The following TMEM132B variants were observed in gnomAD, a reference collection of about 807,000 sequenced individuals.
TMEM132B encodes transmembrane protein 132B.
Under a neutral mutation model 90.8 loss-of-function variants are expected in TMEM132B, and 18 were observed. The observed-to-expected ratio is 0.20, with a 90% CI of 0.14 to 0.29. The LOEUF (loss-of-function observed/expected upper bound fraction) is 0.29, where lower values mean the gene tolerates loss of function less well. Among genes scored for constraint, TMEM132B ranks in the 10% least tolerant of loss-of-function variants. TMEM132B has a pLI of 1.00. For missense variants in TMEM132B, 1,096 were observed against 1,326.8 expected, an observed-to-expected ratio of 0.83 and a Z score of 2.70; for synonymous variants, 504 against 523.3, an observed-to-expected ratio of 0.96 and a Z score of 0.50.
intron 5 of TMEM132B, among the ~76,000 whole-genome samples, chr12:125,596,834 T>C (rs1859458): frequency 0.55 from 83,072 of 152,092 alleles, 24,583 homozygotes; most frequent in African/African-American, 0.78. Context: ...AAATGACAAA[T>C]ATTTGAGTTA....
intron 3 of TMEM132B, among the ~76,000 whole-genome samples, chr12:125,506,152 T>C (rs927601436): frequency 6.6e-6 from 1 of 152,196 alleles, no homozygotes; most frequent in African/African-American, 2.4e-5. Context: ...ATAAACGAAT[T>C]GTAAACTTCT....
intron 2 of TMEM132B, among the ~76,000 whole-genome samples, chr12:125,401,198 C>T (rs1016943560): frequency 3.3e-5 from 5 of 152,192 alleles, no homozygotes; most frequent in African/African-American, 4.8e-5. Flanking sequence ...ACGGATGACA[C>T]CTTAGATAAA....
intron 3 of TMEM132B, among the ~76,000 whole-genome samples, chr12:125,505,184 A>AAC (rs1882811353): frequency 6.9e-6 from 1 of 144,234 alleles, no homozygotes; most frequent in South Asian, 2.2e-4. Context: ...AAAAAAAAAA[A>AAC]AAAAAAAAAA....
At chr12:125,293,477 G>A (rs528623427) in intron 1 of TMEM132B, among the ~76,000 whole-genome samples, 18 of 152,164 alleles carry the variant, frequency 1.2e-4, no homozygotes, top group South Asian at 2.1e-4. Flanking sequence ...AGGCCCCAGC[G>A]TCTATTGTTT....
chr12:125,592,071 C>T (rs1394835142), intron 5 of TMEM132B, among the ~76,000 whole-genome samples: 4 of 152,158 alleles, frequency 2.6e-5, no homozygotes, highest in African/African-American at 9.7e-5. Flanking sequence ...TGACTTTATG[C>T]TGCCTGCCAC....
At chr12:125,447,279 TC>T (rs1239369938) in intron 3 of TMEM132B, among the ~76,000 whole-genome samples, 3 of 148,846 alleles carry the variant, frequency 2.0e-5, no homozygotes, top group Non-Finnish European at 4.4e-5. Flanking sequence ...TGTATTTATT[TC>T]TGTTTTTTTT....
intron 5 of TMEM132B, among the ~76,000 whole-genome samples, chr12:125,616,910 A>G (rs937222023): frequency 3.3e-5 from 5 of 152,208 alleles, no homozygotes; most frequent in African/African-American, 9.7e-5. Flanking sequence ...AAGAATGGCC[A>G]TGTGAGCACA....
chr12:125,356,039 GGGT>G (rs1313092588), intron 2 of TMEM132B, among the ~76,000 whole-genome samples: 3 of 152,248 alleles, frequency 2.0e-5, no homozygotes, highest in Admixed American at 6.5e-5. Context: ...GCTGGAGTTG[GGGT>G]AGGTCTTTGC....
intron 1 of TMEM132B, among the ~76,000 whole-genome samples, chr12:125,325,364 C>T (rs539325534): frequency 2.1e-4 from 32 of 152,174 alleles, no homozygotes; most frequent in African/African-American, 7.0e-4. Flanking sequence ...TTCAAAGCAG[C>T]GCCCAGGGGA....
chr12:125,359,025 C>A (rs1877875584), intron 2 of TMEM132B, among the ~76,000 whole-genome samples: 1 of 152,170 alleles, frequency 6.6e-6, no homozygotes, highest in South Asian at 2.1e-4. Context: ...TTGCTCATTT[C>A]TACTTGCCAG....
chr12:125,443,084 T>C (rs1023214481), intron 3 of TMEM132B, among the ~76,000 whole-genome samples: 11 of 152,224 alleles, frequency 7.2e-5, no homozygotes, highest in African/African-American at 2.7e-4. Context: ...GAGAGAGGCA[T>C]GCTGAGAGCA....
At chr12:125,641,672 T>G (rs1886634176) in intron 5 of TMEM132B, among the ~76,000 whole-genome samples, 1 of 152,348 alleles carries the variant, frequency 6.6e-6, no homozygotes, top group Non-Finnish European at 1.5e-5. Flanking sequence ...GGTTTAAGAC[T>G]GTAGTGCTCC....
At chr12:125,565,899 G>A (rs778284473) in intron 4 of TMEM132B, among the ~76,000 whole-genome samples, 5 of 152,194 alleles carry the variant, frequency 3.3e-5, no homozygotes, top group Non-Finnish European at 7.3e-5. Context: ...GTGTTTCCAG[G>A]CTTGAGGGTG....
chr12:125,390,603 A>G (rs1161800866), intron 2 of TMEM132B, among the ~76,000 whole-genome samples: 3 of 152,234 alleles, frequency 2.0e-5, no homozygotes, highest in Admixed American at 2.0e-4. Context: ...CAAGATGTAA[A>G]AGCATTGCAT....
intron 3 of TMEM132B, among the ~76,000 whole-genome samples, chr12:125,450,881 T>C (rs1255283485): frequency 6.6e-6 from 1 of 152,188 alleles, no homozygotes; most frequent in Non-Finnish European, 1.5e-5. Context: ...ATCACTTATG[T>C]AAGTATTCCA....
intron 2 of TMEM132B, among the ~76,000 whole-genome samples, chr12:125,401,608 G>T (rs572114921): frequency 6.6e-6 from 1 of 152,148 alleles, no homozygotes; most frequent in Admixed American, 6.5e-5. Context: ...GGAATGTGCT[G>T]TTTTAGGAAC....
At chr12:125,192,993 CG>C (rs1377831541) in intron 1 of TMEM132B, among the ~76,000 whole-genome samples, 2 of 152,118 alleles carry the variant, frequency 1.3e-5, no homozygotes, top group Non-Finnish European at 2.9e-5. Flanking sequence ...ACAACAACGG[CG>C]TGCTGATGCC....
intron 1 of TMEM132B, among the ~76,000 whole-genome samples, chr12:125,241,482 G>C (rs1874066928): frequency 6.6e-6 from 1 of 152,108 alleles, no homozygotes; most frequent in Non-Finnish European, 1.5e-5. Flanking sequence ...CCAGGCCCTG[G>C]ACCCCCTGTT....
intron 4 of TMEM132B, among the ~76,000 whole-genome samples, chr12:125,548,732 GAGCAGAGGA>G (rs1884149545): frequency 6.6e-6 from 1 of 152,216 alleles, no homozygotes; most frequent in Non-Finnish European, 1.5e-5. Flanking sequence ...GGGAGGGTTT[GAGCAGAGGA>G]GTTGACATGG....
Sources: gnomAD v4.1 joint callset for allele counts (sites outside exome capture counted in the v4.1 genomes callset) on GRCh38, gnomAD v4.1.1 for gene constraint, MANE v1.5 for transcripts, NCBI Gene and HGNC (gene_info 2026-07-23, HGNC 2026-07-21) for gene names.